CHST8: variants seen among roughly 807,000 people sequenced by gnomAD.
The protein encoded by CHST8 is GALNAC-4-ST1.
In CHST8, 10 loss-of-function variants were observed where a neutral mutation model predicts 15.0. The observed-to-expected ratio is 0.67, with a 90% confidence interval of 0.41 to 1.13. CHST8 has a LOEUF of 1.13. CHST8 is among the 50% of genes most tolerant of loss of function. The pLI is 0.00. For missense variants in CHST8, 634 were observed against 608.2 expected (o/e 1.04, Z -0.45); for synonymous variants, 259 against 256.6 (o/e 1.01, Z -0.09).
intron 3 of CHST8, among the ~76,000 whole-genome samples, chr19:33,756,634 G>A (rs1401005404): frequency 6.6e-6 from 1 of 152,118 alleles, no homozygotes. Context: ...TAGCCCTCTG[G>A]CTTTGTTGTT....
chr19:33,667,780 C>T lies in CHST8; in HGVS notation c.-150C>T, dbSNP rs1248929584. 1.3e-5 allele frequency: 2 copies of T among 151,924 alleles called. No individual in the cohort carries two copies. The highest frequency in any genetic ancestry group is 6.6e-5 in the Admixed American group (1 of 15,240). The allele number at this position is 151,924 out of a possible 1,614,324, so 9.4% of individuals were successfully genotyped here. ...ATTTTTTTTTAGGTTTAAAGGTCAACAAGAATATCTTACCTTAATTTGACA... is the reference window on the plus strand; with the variant it reads ...ATTTTTTTTTAGGTTTAAAGGTCAATAAGAATATCTTACCTTAATTTGACA... On this transcript the variant is annotated 5_prime_UTR_variant, in exon 2 of 5. Transcript: ENST00000650847.
chr19:33,624,068 T>G (rs1440765473), intron 1 of CHST8, among the ~76,000 whole-genome samples: 1 of 152,194 alleles, frequency 6.6e-6, no homozygotes, highest in African/African-American at 2.4e-5. Context: ...ACACAAACAG[T>G]GCAGCTCATT....
chr19:33,679,452 C>T (rs539707655), intron 2 of CHST8, among the ~76,000 whole-genome samples: 9 of 152,294 alleles, frequency 5.9e-5, no homozygotes, highest in African/African-American at 2.2e-4. Context: ...CCATTAGCAA[C>T]GAGATAATTG....
chr19:33,657,212 AACAC>A (rs1972521142), intron 1 of CHST8, among the ~76,000 whole-genome samples: 1 of 150,794 alleles, frequency 6.6e-6, no homozygotes. Flanking sequence ...TACATACACA[AACAC>A]ACACGCATAT....
intron 1 of CHST8, among the ~76,000 whole-genome samples, chr19:33,628,492 C>T (rs190774400): frequency 1.3e-3 from 200 of 152,362 alleles, no homozygotes; most frequent in Middle Eastern, 6.8e-3. Flanking sequence ...CCATCAGGCT[C>T]TGTCTCCTGG....
intron 3 of CHST8, 46 bp from the exon 4 acceptor site, chr19:33,771,367 T>A: frequency 6.3e-7 from 1 of 1,598,710 alleles, no homozygotes; most frequent in Non-Finnish European, 8.6e-7. Flanking sequence ...CTGGGAGCCA[T>A]GTGGCAGATC....
chr19:33,628,471 A>G (rs1362561432), intron 1 of CHST8, among the ~76,000 whole-genome samples: 1 of 152,176 alleles, frequency 6.6e-6, no homozygotes, highest in Non-Finnish European at 1.5e-5. Context: ...CCCCTCAGAC[A>G]TTGGTCTGGT....
At chr19:33,627,813 A>T (rs1267198177) in intron 1 of CHST8, among the ~76,000 whole-genome samples, 1 of 152,170 alleles carries the variant, frequency 6.6e-6, no homozygotes, top group Non-Finnish European at 1.5e-5. Context: ...GGTGTCTTGC[A>T]CTGTACCAGG....
intron 3 of CHST8, among the ~76,000 whole-genome samples, chr19:33,716,498 C>G (rs1454758409): frequency 6.6e-6 from 1 of 152,216 alleles, no homozygotes; most frequent in Non-Finnish European, 1.5e-5. Context: ...TTTTCAGTAG[C>G]TGGGACTACA....
intron 3 of CHST8, among the ~76,000 whole-genome samples, chr19:33,744,780 G>T (rs1210909687): frequency 1.3e-5 from 2 of 152,004 alleles, no homozygotes; most frequent in Non-Finnish European, 2.9e-5. Context: ...ACGGAGTCTT[G>T]CTCTGTCGCC....
At chr19:33,663,587 G>T (rs11673540) in intron 1 of CHST8, among the ~76,000 whole-genome samples, 5,158 of 152,192 alleles carry the variant, frequency 0.034, 119 homozygotes, top group Non-Finnish European at 0.054. Flanking sequence ...AAAAGCAGGA[G>T]GGGCCAGGTG....
intron 3 of CHST8, among the ~76,000 whole-genome samples, chr19:33,743,296 C>CTTTTTTTTT (rs916165328): frequency 2.0e-5 from 2 of 98,258 alleles, no homozygotes; most frequent in Non-Finnish European, 4.0e-5. Flanking sequence ...CACAGCAATT[C>CTTTTTTTTT]TTTTTTTTTT....
At chr19:33,761,312 A>G (rs1455811357) in intron 3 of CHST8, among the ~76,000 whole-genome samples, 3 of 151,818 alleles carry the variant, frequency 2.0e-5, no homozygotes, top group African/African-American at 7.3e-5. Flanking sequence ...TGGGCAGCAT[A>G]GTGAGACCTT....
rs965412102 is a variant in CHST8 at position 33,773,372 on chromosome 19, G to T, written c.*309G>T. 1.7e-5 allele frequency: 7 copies of T among 416,714 alleles called. No individual in the cohort carries two copies. The highest frequency in any genetic ancestry group is 6.5e-4 in the Middle Eastern group (1 of 1,550). The allele number at this position is 416,714 out of a possible 1,614,324, so 25.8% of individuals were successfully genotyped here. ...GAAGTCTGAGGCCCAGAGGACGGGGGGCCCAGCGGTAAGGGATGTCCCGCA... is the reference window on the plus strand; with the variant it reads ...GAAGTCTGAGGCCCAGAGGACGGGGTGCCCAGCGGTAAGGGATGTCCCGCA... On this transcript the variant is annotated 3_prime_UTR_variant, in exon 5 of 5. Coordinates refer to ENST00000650847, the MANE Select transcript of CHST8 (RefSeq NM_001127895.2).
chr19:33,743,296 CTTTTTT>C, intron 3 of CHST8, among the ~76,000 whole-genome samples: 1 of 98,238 alleles, frequency 1.0e-5, no homozygotes, highest in South Asian at 3.4e-4. Context: ...CACAGCAATT[CTTTTTT>C]TTTTTTTTTT....
At chr19:33,755,933 G>A (rs1043612947) in intron 3 of CHST8, among the ~76,000 whole-genome samples, 7 of 152,200 alleles carry the variant, frequency 4.6e-5, no homozygotes, top group African/African-American at 1.7e-4. Flanking sequence ...CAGAGGCTAA[G>A]CAAAGAGTTT....
chr19:33,692,367 A>C (rs1973113363), intron 3 of CHST8, among the ~76,000 whole-genome samples: 1 of 152,162 alleles, frequency 6.6e-6, no homozygotes, highest in East Asian at 1.9e-4. Flanking sequence ...CTCTTCTCCA[A>C]GAGAAAGACT....
chr19:33,702,440 CCCAGCAGAT>C (rs1168785914), intron 3 of CHST8, among the ~76,000 whole-genome samples: 8 of 152,232 alleles, frequency 5.3e-5, no homozygotes, highest in Admixed American at 2.0e-4. Context: ...CTTGCCAACA[CCCAGCAGAT>C]TGTGGCAACT....
chr19:33,639,737 G>T (rs1972254122), intron 1 of CHST8, among the ~76,000 whole-genome samples: 1 of 152,082 alleles, frequency 6.6e-6, no homozygotes, highest in Non-Finnish European at 1.5e-5. Flanking sequence ...TCCTCAAACT[G>T]TTGGGGGCAA....
Sources: allele counts gnomAD v4.1 joint callset (sites outside exome capture counted in the v4.1 genomes callset), GRCh38; gene constraint gnomAD v4.1.1; transcripts MANE v1.5; gene names NCBI Gene and HGNC (gene_info 2026-07-23, HGNC 2026-07-21).